Variants in MAP3K7CL observed in about 807,000 individuals in gnomAD.
MAP3K7CL encodes the protein MAP3K7 C-terminal like, also known as MAP3K7 C-terminal-like protein.
A neutral mutation model predicts 18.6 loss-of-function variants in MAP3K7CL; 16 were observed. That is an observed-to-expected ratio of 0.86 (90% CI 0.58 to 1.31). MAP3K7CL has a LOEUF of 1.31. MAP3K7CL is among the 50% of genes most tolerant of loss of function. The pLI, the probability that MAP3K7CL is intolerant of heterozygous loss-of-function variation, is 0.00. For synonymous variants in MAP3K7CL, 65 were observed against 66.8 expected (o/e 0.97, Z 0.13); for missense variants, 163 against 174.4 (o/e 0.93, Z 0.37).
chr21:29,140,340 G>A (rs1016079853), intron 2 of MAP3K7CL, among the ~76,000 whole-genome samples: 1 of 152,212 alleles, frequency 6.6e-6, no homozygotes, highest in African/African-American at 2.4e-5. Flanking sequence ...AGAAAGGCCA[G>A]AAAGAAGGTG....
At chr21:29,081,536 G>A (rs898518513), upstream of MAP3K7CL, among the ~76,000 whole-genome samples, 1 of 152,216 alleles carries the variant, frequency 6.6e-6, no homozygotes, top group Non-Finnish European at 1.5e-5. Flanking sequence ...CCAGGTGACA[G>A]AGCGAGACTC....
intron 4 of MAP3K7CL, among the ~76,000 whole-genome samples, chr21:29,170,886 G>C (rs554744296): frequency 6.4e-4 from 96 of 150,750 alleles, no homozygotes; most frequent in African/African-American, 2.3e-3. Flanking sequence ...TGATCTGCCC[G>C]CCTCGGCCTC....
intron 3 of MAP3K7CL, 67 bp downstream of exon 3, chr21:29,149,317 A>C: frequency 7.0e-7 from 1 of 1,422,062 alleles, no homozygotes; most frequent in Non-Finnish European, 9.9e-7. Flanking sequence ...AGCTGGGCAG[A>C]GAGTGGCCTG....
At chr21:29,156,802 T>A (rs1407119552) in intron 3 of MAP3K7CL, among the ~76,000 whole-genome samples, 1 of 152,246 alleles carries the variant, frequency 6.6e-6, no homozygotes, top group East Asian at 1.9e-4. Flanking sequence ...CATATATATT[T>A]AAGCAAATTC....
upstream of MAP3K7CL, among the ~76,000 whole-genome samples, chr21:29,128,384 G>A (rs972831639): frequency 2.0e-5 from 3 of 151,448 alleles, no homozygotes; most frequent in African/African-American, 7.3e-5. Flanking sequence ...CTCACTGCAA[G>A]CTCCGCCTCC....
intron 4 of MAP3K7CL, among the ~76,000 whole-genome samples, chr21:29,096,714 T>G (rs2086128057): frequency 6.6e-6 from 1 of 152,178 alleles, no homozygotes; most frequent in Non-Finnish European, 1.5e-5. Context: ...AGCTTATGTA[T>G]AAAAGAGAAA....
At position 29,149,208 on chromosome 21, in the gene MAP3K7CL, C is replaced by G. The variant is rs140780164; in HGVS notation, c.90C>G (p.Asp30Glu). ...TTTTAGATGATACACCCCCTGAAGACTCCATTCCTTTGGTCTTTCCAGAAT... is the reference window on the plus strand; with the variant it reads ...TTTTAGATGATACACCCCCTGAAGAGTCCATTCCTTTGGTCTTTCCAGAAT... The part of the protein sequence containing the change: ...NDASDDTPPE[D>E]SIPLVFPELD... The change falls in exon 3 of 5, where the codon GAC becomes GAG. Residue 30 changes from aspartate (D) to glutamate (E), a missense_variant. Coordinates refer to ENST00000399928, the MANE Select transcript of MAP3K7CL (RefSeq NM_001286620.2). The G allele has an allele frequency of 2.6e-5, 42 of 1,613,862 alleles. No individual in the cohort carries two copies. The African/African-American group carries it at 5.5e-4, about 21-fold the overall frequency.
chr21:29,091,943 GA>G, intron 3 of MAP3K7CL, among the ~76,000 whole-genome samples: 1 of 152,156 alleles, frequency 6.6e-6, no homozygotes, highest in African/African-American at 2.4e-5. Flanking sequence ...TAAAGATGAA[GA>G]AACTGAGCAT....
intron 2 of MAP3K7CL, among the ~76,000 whole-genome samples, chr21:29,133,848 T>C (rs758824842): frequency 2.0e-4 from 31 of 152,244 alleles, no homozygotes; most frequent in Admixed American, 1.2e-3. Context: ...TTCTCACTGG[T>C]GCTCCCACAC....
At chr21:29,083,483 T>G (rs555342597), upstream of MAP3K7CL, among the ~76,000 whole-genome samples, 6 of 152,362 alleles carry the variant, frequency 3.9e-5, no homozygotes, top group South Asian at 1.2e-3. Context: ...ATGCCTGTTT[T>G]TGATGGATGT....
chr21:29,145,159 G>A (rs1409514765), intron 2 of MAP3K7CL, among the ~76,000 whole-genome samples: 4 of 152,078 alleles, frequency 2.6e-5, no homozygotes, highest in Non-Finnish European at 1.5e-5. Context: ...ATGATAAAGT[G>A]ATTTGCCAAT....
chr21:29,120,007 C>T (rs1317013766), intron 4 of MAP3K7CL, among the ~76,000 whole-genome samples: 1 of 152,116 alleles, frequency 6.6e-6, no homozygotes, highest in East Asian at 1.9e-4. Context: ...AGATATGGAA[C>T]TTTAGGTTGG....
At chr21:29,112,835 T>C (rs939475020) in intron 4 of MAP3K7CL, among the ~76,000 whole-genome samples, 6 of 152,148 alleles carry the variant, frequency 3.9e-5, no homozygotes, top group African/African-American at 1.4e-4. Flanking sequence ...TTTTTTCTTT[T>C]TTTTTGAGAT....
upstream of MAP3K7CL, among the ~76,000 whole-genome samples, chr21:29,084,607 A>G (rs1262435307): frequency 6.6e-6 from 1 of 152,228 alleles, no homozygotes; most frequent in Admixed American, 6.5e-5. Flanking sequence ...CTATGTGTCT[A>G]TTTATGTAGC....
intron 4 of MAP3K7CL, among the ~76,000 whole-genome samples, chr21:29,096,563 G>C (rs2086125769): frequency 2.6e-5 from 4 of 152,176 alleles, no homozygotes; most frequent in Admixed American, 2.0e-4. Flanking sequence ...CCAAGGCCCA[G>C]GGATGAAAGA....
intron 4 of MAP3K7CL, among the ~76,000 whole-genome samples, chr21:29,107,350 T>G (rs528008797): frequency 1.4e-4 from 21 of 152,024 alleles, no homozygotes; most frequent in Non-Finnish European, 2.1e-4. Context: ...AAGTCTGACT[T>G]ATAAAGAAAA....
intron 1 of MAP3K7CL, among the ~76,000 whole-genome samples, chr21:29,087,807 A>G (rs1175142536): frequency 1.3e-5 from 2 of 151,800 alleles, no homozygotes; most frequent in African/African-American, 4.8e-5. Context: ...GTTAGCCAGG[A>G]TGGTCTCGAT....
intron 4 of MAP3K7CL, among the ~76,000 whole-genome samples, chr21:29,163,271 C>T (rs2087598890): frequency 1.3e-5 from 2 of 152,212 alleles, no homozygotes; most frequent in Non-Finnish European, 2.9e-5. Flanking sequence ...CTGCAGAACT[C>T]ATCTTGTTTC....
chr21:29,079,042 C>G (rs1331746155), intron 1 of MAP3K7CL, among the ~76,000 whole-genome samples: 1 of 152,184 alleles, frequency 6.6e-6, no homozygotes, highest in Admixed American at 6.5e-5. Flanking sequence ...ACCAAAGGGA[C>G]TTGGAGATTG....
Sources: allele counts gnomAD v4.1 joint callset (sites outside exome capture counted in the v4.1 genomes callset), GRCh38; gene constraint gnomAD v4.1.1; transcripts MANE v1.5; gene names NCBI Gene and HGNC (gene_info 2026-07-23, HGNC 2026-07-21).